Variants in EVC2 observed in about 807,000 individuals in gnomAD.
EVC2 encodes the protein EvC ciliary complex subunit 2, also known as limbin.
In EVC2, 148 loss-of-function variants were observed where a neutral mutation model predicts 149.3. That is an observed-to-expected ratio of 0.99 (90% CI 0.87 to 1.14). The LOEUF (loss-of-function observed/expected upper bound fraction) is 1.14, where lower values mean the gene tolerates loss of function less well. Ranked by LOEUF, EVC2 falls within the 50% of genes most tolerant of loss-of-function variation. The probability of loss-of-function intolerance (pLI) is 0.00; values close to 1 mark genes in which losing one functional copy is unlikely to be tolerated. For missense variants in EVC2, 1,854 were observed against 1,627.3 expected, an observed-to-expected ratio of 1.14 and a Z score of -2.40; for synonymous variants, 776 against 649.9, an observed-to-expected ratio of 1.19 and a Z score of -2.95.
intron 16 of EVC2, among the ~76,000 whole-genome samples, chr4:5,589,628 G>A (rs1327516424): frequency 6.6e-6 from 1 of 151,934 alleles, no homozygotes; most frequent in Non-Finnish European, 1.5e-5. Context: ...ACCCTTTTAG[G>A]GCAGTAACCT....
rs543366144 is a variant in EVC2 at position 5,677,919 on chromosome 4, C to T, written c.870+3341G>A. ...GCCTTGTACTTTCTCTTCGTCTCTT[C>T]TGTGCAGGACTCTGGCTCTCTGGGA... is the stretch of plus-strand genomic sequence containing the variant. On this transcript the variant is annotated intron_variant, in intron 7 of 21. Coordinates refer to ENST00000344408, the MANE Select transcript of EVC2 (RefSeq NM_147127.5). This position sits in a 1 kb window ranked among gnomAD's most constrained non-coding sequence, Gnocchi z 4.3. 2.6e-5 allele frequency among the ~76,000 whole-genome samples: 4 copies of T among 152,346 alleles called. No individual in the cohort carries two copies. Among genetic ancestry groups the T allele is most frequent in the African/African-American group, 9.6e-5 (4 of 41,582 alleles).
intron 14 of EVC2, among the ~76,000 whole-genome samples, chr4:5,620,851 G>A (rs574018202): frequency 7.3e-4 from 111 of 152,332 alleles, no homozygotes; most frequent in African/African-American, 2.6e-3. Flanking sequence ...CACTTGCTAC[G>A]AAGAGTCCAA....
chr4:5,623,902 C>T (rs1715919737), intron 13 of EVC2, among the ~76,000 whole-genome samples: 1 of 152,230 alleles, frequency 6.6e-6, no homozygotes, highest in East Asian at 1.9e-4. Context: ...AATACACATA[C>T]ATCTCTTAGA....
In EVC2 at chr4:5,640,320, C is replaced by T. The variant is rs185241190; in HGVS notation, c.1470+194G>A. ...GTGAATGGGTAGATGGGTGGATGGA[C>T]AGATGATGATGGATGGACGGTGGGA... On this transcript the variant is annotated intron_variant, in intron 10 of 21. Coordinates refer to ENST00000344408, the MANE Select transcript of EVC2 (RefSeq NM_147127.5). This position sits in a 1 kb window ranked among gnomAD's most constrained non-coding sequence, Gnocchi z 4.6. Among the ~76,000 whole-genome samples, 52 of 151,328 alleles carry T rather than the reference C, an allele frequency of 3.4e-4. No individual in the cohort carries two copies. Among genetic ancestry groups the T allele is most frequent in the Middle Eastern group, 6.8e-3 (2 of 294 alleles).
At chr4:5,595,115 G>C (rs151129780) in intron 16 of EVC2, among the ~76,000 whole-genome samples, 1 of 152,182 alleles carries the variant, frequency 6.6e-6, no homozygotes, top group Admixed American at 6.5e-5. Flanking sequence ...ACATGACGGG[G>C]AGAATGGAAA....
At chr4:5,548,600 G>A (rs548674758) in intron 21 of EVC2, among the ~76,000 whole-genome samples, 1 of 152,102 alleles carries the variant, frequency 6.6e-6, no homozygotes, top group East Asian at 1.9e-4. Flanking sequence ...TCATAGAAAA[G>A]TACAATAATT....
intron 7 of EVC2, among the ~76,000 whole-genome samples, chr4:5,666,713 T>G (rs1719307825): frequency 6.6e-6 from 1 of 152,214 alleles, no homozygotes; most frequent in Non-Finnish European, 1.5e-5. Flanking sequence ...TCCACTGCCT[T>G]CTATATTGTC....
intron 16 of EVC2, among the ~76,000 whole-genome samples, chr4:5,606,680 C>T (rs2108816950): frequency 6.6e-6 from 1 of 152,094 alleles, no homozygotes; most frequent in South Asian, 2.1e-4. Context: ...AAAACCCAAT[C>T]AATAGAAATG....
At chr4:5,648,323 G>A (rs191876544) in intron 9 of EVC2, among the ~76,000 whole-genome samples, 59 of 152,246 alleles carry the variant, frequency 3.9e-4, no homozygotes, top group African/African-American at 1.3e-3. Context: ...TCATATTGTG[G>A]TAATTTGTTA....
chr4:5,588,806 A>T (rs1197786037), intron 16 of EVC2, among the ~76,000 whole-genome samples: 1 of 152,214 alleles, frequency 6.6e-6, no homozygotes, highest in African/African-American at 2.4e-5. Flanking sequence ...ATTAAACAAA[A>T]TTATAATGAC....
chr4:5,532,751 ACAGC>A, the EVC2 span, among the ~76,000 whole-genome samples: 1 of 152,072 alleles, frequency 6.6e-6, no homozygotes, highest in South Asian at 2.1e-4. Flanking sequence ...TTCGTCAAGC[ACAGC>A]CCTCGAGATG....
At chr4:5,532,313 C>T in the EVC2 span, among the ~76,000 whole-genome samples, 1,353 of 152,230 alleles carry the variant, frequency 8.9e-3, 22 homozygotes, top group African/African-American at 0.031. Context: ...ACGAGGCCCA[C>T]CCACATTATG....
At chr4:5,605,233 A>G (rs796305772) in intron 16 of EVC2, among the ~76,000 whole-genome samples, 29 of 152,356 alleles carry the variant, frequency 1.9e-4, no homozygotes, top group African/African-American at 6.5e-4. Flanking sequence ...ACTCATGCAC[A>G]TCACGCGCAG....
At chr4:5,638,613 C>T (rs115742469) in intron 10 of EVC2, among the ~76,000 whole-genome samples, 5 of 151,988 alleles carry the variant, frequency 3.3e-5, no homozygotes, top group South Asian at 2.1e-4. Context: ...TCCCACCCCC[C>T]AAAAAAGATA....
At chr4:5,605,797 C>T (rs750614958) in intron 16 of EVC2, among the ~76,000 whole-genome samples, 1 of 152,100 alleles carries the variant, frequency 6.6e-6, no homozygotes, top group Admixed American at 6.5e-5. Context: ...GTCCCTGCAC[C>T]GAGTGGACAC....
At chr4:5,536,987 A>G in the EVC2 span, among the ~76,000 whole-genome samples, 17,066 of 152,232 alleles carry the variant, frequency 0.11, 1,042 homozygotes, top group South Asian at 0.29. Context: ...TAAGACTGTC[A>G]ACAAACACAT....
chr4:5,659,093 C>G (rs1718717179), intron 9 of EVC2, among the ~76,000 whole-genome samples: 1 of 152,138 alleles, frequency 6.6e-6, no homozygotes, highest in Admixed American at 6.5e-5. Flanking sequence ...ACCACGCACA[C>G]CTCGGAAATG....
chr4:5,664,909 T>A (rs796417898), intron 8 of EVC2, among the ~76,000 whole-genome samples: 14 of 149,896 alleles, frequency 9.3e-5, no homozygotes, highest in African/African-American at 3.0e-4. Context: ...GTGTGGGTGA[T>A]GGGGTGCGTG....
At chr4:5,603,063 G>A (rs1328550356) in intron 16 of EVC2, among the ~76,000 whole-genome samples, 1 of 152,102 alleles carries the variant, frequency 6.6e-6, no homozygotes, top group Non-Finnish European at 1.5e-5. Flanking sequence ...AAAATGAAAA[G>A]TAAAATTTAA....
Sources: allele counts gnomAD v4.1 joint callset (sites outside exome capture counted in the v4.1 genomes callset), GRCh38; gene constraint gnomAD v4.1.1; non-coding constraint Gnocchi (gnomAD v3.1); transcripts MANE v1.5; gene names NCBI Gene and HGNC (gene_info 2026-07-23, HGNC 2026-07-21).